The following DCAF8 variants were observed in gnomAD, a reference collection of about 807,000 sequenced individuals.
DCAF8 encodes the protein DDB1 and CUL4 associated factor 8.
A neutral mutation model predicts 68.0 loss-of-function variants in DCAF8; 20 were observed. That is an observed-to-expected ratio of 0.29 (90% CI 0.21 to 0.43). The LOEUF (loss-of-function observed/expected upper bound fraction) is 0.43, where lower values mean the gene tolerates loss of function less well. DCAF8 is among the 20% of genes least tolerant of loss of function. DCAF8 has a pLI of 1.00. For missense variants in DCAF8, 460 were observed against 771.0 expected, an observed-to-expected ratio of 0.60 and a Z score of 4.78; for synonymous variants, 230 against 276.9, an observed-to-expected ratio of 0.83 and a Z score of 1.68.
Position 160,217,708 on chromosome 1 carries a change from G to T in DCAF8, c.1678C>A (p.Arg560Ser), listed in dbSNP as rs371987013. The stretch of plus-strand genomic sequence containing the variant: ...GCCCCAACCCCAGGTTCTCGCCAGC[G>T]CTGTGGATGGGAAAGGCTTGTTAGT... The part of the protein sequence containing the change: ...HHLRQRRHHR[R>S]WREPGVGATD... Residue 560 changes from arginine to serine, a missense_variant and splice_region_variant, in exon 14 of 14, where the codon CGC becomes AGC. Arg to Ser is a moderately radical substitution (Grantham distance 110). This residue lies in a region of DCAF8 where 80 missense variants were observed against 115.1 expected (regional missense o/e 0.70). Transcript: ENST00000368074. 1.2e-6 allele frequency: 2 copies of T among 1,612,738 alleles called. No individual in the cohort carries two copies. Among genetic ancestry groups the T allele is most frequent in the African/African-American group, 2.7e-5 (2 of 74,920 alleles).
At position 160,218,386 on chromosome 1, in the gene DCAF8, G is replaced by C. The variant is rs779709016; in HGVS notation, c.1615C>G (p.Leu539Val). ...RDEDSLHQTD[L>V]FDSHMLWFLM... ...AACCACAGCATGTGACTATCAAACAGGTCAGTTTGGTGCAAGCTATCTTCA... is the reference window on the plus strand; with the variant it reads ...AACCACAGCATGTGACTATCAAACACGTCAGTTTGGTGCAAGCTATCTTCA... The change falls in exon 13 of 14, where the codon CTG (leucine) becomes GTG (valine). Residue 539 changes from leucine to valine, a missense_variant. By Grantham distance (32) the Leu-to-Val change is conservative. Transcript: ENST00000368074. 1 of 1,614,176 alleles carries C rather than the reference G, an allele frequency of 6.2e-7. No individual in the cohort carries two copies. The highest frequency in any genetic ancestry group is 8.5e-7 in the Non-Finnish European group (1 of 1,180,036).
chr1:160,247,359 A>G (rs1656384122), intron 2 of DCAF8, among the ~76,000 whole-genome samples: 1 of 152,230 alleles, frequency 6.6e-6, no homozygotes, highest in Admixed American at 6.5e-5. Flanking sequence ...TCTTGTCTTA[A>G]TAAGAATAAA....
intron 3 of DCAF8, among the ~76,000 whole-genome samples, chr1:160,243,637 CT>C (rs1489732183): frequency 6.6e-6 from 1 of 152,150 alleles, no homozygotes; most frequent in African/African-American, 2.4e-5. Flanking sequence ...CTTGTTCCTA[CT>C]AGCCATTAGA....
chr1:160,254,337 T>C (rs935840536), intron 2 of DCAF8, among the ~76,000 whole-genome samples: 3 of 151,522 alleles, frequency 2.0e-5, no homozygotes, highest in Admixed American at 6.6e-5. Context: ...AAAAAAAAAA[T>C]TGTTTTCTTA....
chr1:160,235,155 A>C (rs900365809), intron 6 of DCAF8, among the ~76,000 whole-genome samples: 1 of 150,130 alleles, frequency 6.7e-6, no homozygotes, highest in Non-Finnish European at 1.5e-5. Flanking sequence ...TTTTTTTTTG[A>C]GACAGTCTTG....
intron 2 of DCAF8, among the ~76,000 whole-genome samples, chr1:160,248,369 C>T (rs992267401): frequency 3.3e-5 from 5 of 151,920 alleles, no homozygotes; most frequent in African/African-American, 1.2e-4. Flanking sequence ...AGACAAGCTA[C>T]AGACTGGAAG....
chr1:160,217,914 A>G, intron 13 of DCAF8: 1 of 547,960 alleles, frequency 1.8e-6, no homozygotes. Context: ...GCCACAGACA[A>G]TACACAGAAT....
chr1:160,259,919 T>A (rs960032345), intron 2 of DCAF8, among the ~76,000 whole-genome samples: 1 of 151,926 alleles, frequency 6.6e-6, no homozygotes, highest in African/African-American at 2.4e-5. Context: ...CCACCAAGGG[T>A]TTCATGTTCA....
At chr1:160,218,252 C>G (rs1055429651) in intron 13 of DCAF8, 72 bp downstream of exon 13, 3 of 1,162,530 alleles carry the variant, frequency 2.6e-6, no homozygotes, top group Non-Finnish European at 3.9e-6. Flanking sequence ...TGCTTGAAGT[C>G]ACTACTCTGG....
At chr1:160,237,738 C>CTATATT (rs199715178) in intron 5 of DCAF8, among the ~76,000 whole-genome samples, 2,402 of 152,046 alleles carry the variant, frequency 0.016, 60 homozygotes, top group African/African-American at 0.049. Context: ...TGGGGTCTTG[C>CTATATT]TATATTGCCC....
intron 12 of DCAF8, 64 bp downstream of exon 12, chr1:160,218,785 A>G: frequency 3.1e-6 from 5 of 1,599,820 alleles, no homozygotes; most frequent in Middle Eastern, 1.7e-4. Flanking sequence ...CCTCCCTATG[A>G]CAATAAGAAT....
intron 2 of DCAF8, among the ~76,000 whole-genome samples, chr1:160,251,448 C>T (rs1656589821): frequency 6.6e-6 from 1 of 152,168 alleles, no homozygotes; most frequent in Non-Finnish European, 1.5e-5. Context: ...ACTTGCCTTC[C>T]ACACTCTAAT....
intron 7 of DCAF8, 69 bp from the exon 8 acceptor site, chr1:160,225,732 G>A: frequency 7.7e-7 from 1 of 1,300,074 alleles, no homozygotes; most frequent in Non-Finnish European, 1.1e-6. Context: ...GCAATTTGAT[G>A]TAGTGGCAGG....
intron 3 of DCAF8, among the ~76,000 whole-genome samples, chr1:160,242,726 T>C (rs1359055803): frequency 6.6e-6 from 1 of 152,180 alleles, no homozygotes; most frequent in Admixed American, 6.5e-5. Flanking sequence ...AACTCCAGTA[T>C]GTAGAACAAA....
chr1:160,243,909 A>G, intron 3 of DCAF8, 51 bp downstream of exon 3: 1 of 1,585,064 alleles, frequency 6.3e-7, no homozygotes, highest in Non-Finnish European at 8.7e-7. Context: ...AGGGAGGAGG[A>G]CAACCTCAGT....
At chr1:160,228,124 G>A (rs1460364203) in intron 7 of DCAF8, among the ~76,000 whole-genome samples, 1 of 145,028 alleles carries the variant, frequency 6.9e-6, no homozygotes, top group African/African-American at 2.6e-5. Context: ...ACACAGTCTT[G>A]CTATATTGCC....
chr1:160,257,517 A>G (rs929005798), intron 2 of DCAF8, among the ~76,000 whole-genome samples: 1 of 152,362 alleles, frequency 6.6e-6, no homozygotes, highest in South Asian at 2.1e-4. Flanking sequence ...TACAAGACTT[A>G]GAGCACGAAA....
chr1:160,234,655 C>T (rs1298922884), intron 6 of DCAF8, among the ~76,000 whole-genome samples: 2 of 152,182 alleles, frequency 1.3e-5, no homozygotes, highest in Admixed American at 6.6e-5. Context: ...AATAAACTTA[C>T]TATCATTTTT....
chr1:160,230,359 T>G (rs1295231423), intron 7 of DCAF8, among the ~76,000 whole-genome samples: 1 of 152,138 alleles, frequency 6.6e-6, no homozygotes, highest in African/African-American at 2.4e-5. Flanking sequence ...AGAAACATAG[T>G]TAAAATAGGC....
Sources: gnomAD v4.1 joint callset for allele counts (sites outside exome capture counted in the v4.1 genomes callset) on GRCh38, gnomAD v4.1.1 for gene constraint, gnomAD v4.1.1 regional missense constraint, MANE v1.5 for transcripts, NCBI Gene and HGNC (gene_info 2026-07-23, HGNC 2026-07-21) for gene names.